Variants in PPARGC1A observed in about 807,000 individuals in gnomAD.
The protein encoded by PPARGC1A is PPARG coactivator 1 alpha, also known as peroxisome proliferator-activated receptor gamma coactivator 1-alpha.
In PPARGC1A, 25 loss-of-function variants were observed where a neutral mutation model predicts 88.7. That is an observed-to-expected ratio of 0.28 (90% CI 0.21 to 0.39). The LOEUF (loss-of-function observed/expected upper bound fraction) is 0.39, where lower values mean the gene tolerates loss of function less well. Among genes scored for constraint, PPARGC1A ranks in the 10% least tolerant of loss-of-function variants. The pLI, the probability that PPARGC1A is intolerant of heterozygous loss-of-function variation, is 1.00. For synonymous variants in PPARGC1A, 363 were observed against 355.6 expected (o/e 1.02, Z -0.24); for missense variants, 880 against 968.7 (o/e 0.91, Z 1.22).
chr4:23,905,266 G>A (rs1435391584), upstream of PPARGC1A, among the ~76,000 whole-genome samples: 4 of 152,214 alleles, frequency 2.6e-5, no homozygotes, highest in African/African-American at 9.7e-5. Context: ...TGGAAACGAT[G>A]TCAGACAAGG....
the PPARGC1A span, among the ~76,000 whole-genome samples, chr4:24,043,025 A>G: frequency 1.3e-5 from 2 of 152,152 alleles, no homozygotes; most frequent in Non-Finnish European, 2.9e-5. Flanking sequence ...TTTCTTTCTC[A>G]TGATGACCTA....
At chr4:23,878,348 TAAA>T (rs61188993) in intron 2 of PPARGC1A, among the ~76,000 whole-genome samples, 5 of 98,980 alleles carry the variant, frequency 5.1e-5, no homozygotes, top group Admixed American at 2.2e-4. Flanking sequence ...TCAACGTCCA[TAAA>T]AAAAAAAAAA....
At chr4:24,366,165 G>A in the PPARGC1A span, among the ~76,000 whole-genome samples, 3 of 152,126 alleles carry the variant, frequency 2.0e-5, no homozygotes, top group Admixed American at 6.6e-5. Flanking sequence ...AATATGATTC[G>A]TTGGCACTTA....
At chr4:24,288,134 CT>C in the PPARGC1A span, among the ~76,000 whole-genome samples, 1 of 152,138 alleles carries the variant, frequency 6.6e-6, no homozygotes, top group Non-Finnish European at 1.5e-5. Context: ...CTCTGAGTAG[CT>C]TTACTGTTAT....
At chr4:24,405,450 T>G in the PPARGC1A span, among the ~76,000 whole-genome samples, 4 of 152,200 alleles carry the variant, frequency 2.6e-5, no homozygotes, top group South Asian at 2.1e-4. Flanking sequence ...CTAGAAGGAA[T>G]TATCTCCGCA....
At chr4:24,063,558 A>G in the PPARGC1A span, among the ~76,000 whole-genome samples, 1 of 152,190 alleles carries the variant, frequency 6.6e-6, no homozygotes. Context: ...CCGACATCCC[A>G]GGTTCCTAGC....
chr4:23,811,503 G>A (rs1207751766), intron 10 of PPARGC1A, among the ~76,000 whole-genome samples: 5 of 152,194 alleles, frequency 3.3e-5, no homozygotes, highest in African/African-American at 7.2e-5. Context: ...AGAAAAGACC[G>A]TAAGGCTCTG....
At chr4:24,327,812 G>A in the PPARGC1A span, among the ~76,000 whole-genome samples, 1 of 152,008 alleles carries the variant, frequency 6.6e-6, no homozygotes, top group Non-Finnish European at 1.5e-5. Context: ...ATTAATATAA[G>A]AAGGCAGGAA....
the PPARGC1A span, among the ~76,000 whole-genome samples, chr4:24,454,568 T>C: frequency 8.7e-6 from 1 of 115,080 alleles, no homozygotes; most frequent in African/African-American, 3.8e-5. Flanking sequence ...AGACCTTGTT[T>C]CTACAAAAAA....
intron 2 of PPARGC1A, among the ~76,000 whole-genome samples, chr4:23,855,286 C>G (rs1560451532): frequency 6.6e-6 from 1 of 152,082 alleles, no homozygotes; most frequent in Non-Finnish European, 1.5e-5. Flanking sequence ...ACTAATATAC[C>G]CATGCAACCC....
At chr4:24,165,767 T>C in the PPARGC1A span, among the ~76,000 whole-genome samples, 1 of 152,172 alleles carries the variant, frequency 6.6e-6, no homozygotes, top group Non-Finnish European at 1.5e-5. Flanking sequence ...TCAATAAACG[T>C]GTGTGTTCTG....
At chr4:24,368,052 G>T in the PPARGC1A span, among the ~76,000 whole-genome samples, 3 of 152,126 alleles carry the variant, frequency 2.0e-5, no homozygotes, top group Non-Finnish European at 4.4e-5. Context: ...TGTAAGTAAG[G>T]TTTTCTAAAA....
chr4:24,441,630 C>T, the PPARGC1A span, among the ~76,000 whole-genome samples: 1 of 151,900 alleles, frequency 6.6e-6, no homozygotes, highest in East Asian at 1.9e-4. Context: ...ACCCCTACAG[C>T]CCTGGCTATT....
At chr4:24,054,618 T>C in the PPARGC1A span, among the ~76,000 whole-genome samples, 1 of 152,228 alleles carries the variant, frequency 6.6e-6, no homozygotes, top group Non-Finnish European at 1.5e-5. Context: ...TACACATATA[T>C]TTAATTCCCA....
upstream of PPARGC1A, among the ~76,000 whole-genome samples, chr4:23,900,686 T>G (rs976752220): frequency 6.6e-6 from 1 of 152,174 alleles, no homozygotes; most frequent in African/African-American, 2.4e-5. Context: ...GATGTTCTCT[T>G]TAAGTCCTAT....
the PPARGC1A span, among the ~76,000 whole-genome samples, chr4:24,287,674 T>TTTC: frequency 6.2e-5 from 7 of 112,686 alleles, no homozygotes; most frequent in African/African-American, 2.4e-4. Context: ...ACAACTGCAC[T>TTTC]CATCTGGTGC....
At chr4:23,951,557 T>A in the PPARGC1A span, among the ~76,000 whole-genome samples, 1 of 152,234 alleles carries the variant, frequency 6.6e-6, no homozygotes, top group East Asian at 1.9e-4. Context: ...AACCCAAATG[T>A]ATAACAGATT....
chr4:24,002,356 G>A, the PPARGC1A span, among the ~76,000 whole-genome samples: 1 of 152,032 alleles, frequency 6.6e-6, no homozygotes, highest in African/African-American at 2.4e-5. Context: ...TCGATCTCCT[G>A]ACCTCGAGAT....
the PPARGC1A span, among the ~76,000 whole-genome samples, chr4:24,334,325 G>A: frequency 4.6e-5 from 7 of 152,064 alleles, no homozygotes; most frequent in Admixed American, 3.3e-4. Context: ...AGCTCTACTC[G>A]CATTCCAGCT....
Sources: gnomAD v4.1 joint callset for allele counts (sites outside exome capture counted in the v4.1 genomes callset) on GRCh38, gnomAD v4.1.1 for gene constraint, MANE v1.5 for transcripts, NCBI Gene and HGNC (gene_info 2026-07-23, HGNC 2026-07-21) for gene names.